Variants in DCC observed in about 807,000 individuals in gnomAD.
DCC encodes the protein DCC netrin 1 receptor.
In DCC, 58 loss-of-function variants were observed where a neutral mutation model predicts 172.5. The ratio of observed to expected loss-of-function variants is 0.34; its 90% CI spans 0.27 to 0.42. The LOEUF (loss-of-function observed/expected upper bound fraction) is 0.42, where lower values mean the gene tolerates loss of function less well. Ranked by LOEUF, DCC falls within the 10% of genes least tolerant of loss-of-function variation. The probability of loss-of-function intolerance (pLI) is 1.00; values close to 1 mark genes in which losing one functional copy is unlikely to be tolerated. For synonymous variants in DCC, 709 were observed against 644.5 expected, an observed-to-expected ratio of 1.10 and a Z score of -1.52; for missense variants, 1,740 against 1,791.0, an observed-to-expected ratio of 0.97 and a Z score of 0.51.
At chr18:53,280,180 T>A (rs2056855054) in intron 12 of DCC, among the ~76,000 whole-genome samples, 1 of 152,152 alleles carries the variant, frequency 6.6e-6, no homozygotes, top group Non-Finnish European at 1.5e-5. Context: ...TGAATACATG[T>A]AAAGCACAAG....
At chr18:52,824,405 G>A (rs1284294967) in intron 2 of DCC, among the ~76,000 whole-genome samples, 2 of 152,088 alleles carry the variant, frequency 1.3e-5, no homozygotes, top group Admixed American at 6.5e-5. Context: ...TATCTAAACT[G>A]AATTCCAGCT....
At chr18:52,555,073 G>T (rs547558109) in intron 1 of DCC, among the ~76,000 whole-genome samples, 1 of 152,108 alleles carries the variant, frequency 6.6e-6, no homozygotes, top group East Asian at 1.9e-4. Context: ...CATTGTACCA[G>T]GTAAAAACTT....
At chr18:52,799,401 C>T (rs1301994479) in intron 2 of DCC, among the ~76,000 whole-genome samples, 1 of 152,020 alleles carries the variant, frequency 6.6e-6, no homozygotes, top group African/African-American at 2.4e-5. Context: ...TATTATTGCT[C>T]ATGGGTATAC....
intron 5 of DCC, among the ~76,000 whole-genome samples, chr18:52,957,369 G>A (rs1467335834): frequency 1.3e-5 from 2 of 151,962 alleles, no homozygotes; most frequent in Admixed American, 1.3e-4. Flanking sequence ...TGAAAGTAGA[G>A]CAATCGATAT....
chr18:52,706,681 T>C (rs1297955976), intron 1 of DCC, among the ~76,000 whole-genome samples: 52 of 152,158 alleles, frequency 3.4e-4, no homozygotes, highest in Admixed American at 3.3e-3. Context: ...TGTTTACTCA[T>C]CTATTCTGCA....
chr18:52,902,508 ATCTC>A (rs2039824512), intron 2 of DCC, among the ~76,000 whole-genome samples: 1 of 152,170 alleles, frequency 6.6e-6, no homozygotes, highest in Non-Finnish European at 1.5e-5. Context: ...TTATACCTGT[ATCTC>A]TCTCTGGATG....
intron 1 of DCC, among the ~76,000 whole-genome samples, chr18:52,587,428 G>T (rs1224893655): frequency 1.3e-5 from 2 of 152,204 alleles, no homozygotes; most frequent in African/African-American, 4.8e-5. Context: ...CCTCTGCTAA[G>T]GTTGCCCGTT....
intron 1 of DCC, among the ~76,000 whole-genome samples, chr18:52,474,190 A>G (rs539215758): frequency 6.9e-6 from 1 of 145,868 alleles, no homozygotes; most frequent in African/African-American, 2.6e-5. Context: ...CTTTCCATAC[A>G]TAATTGTAAC....
intron 10 of DCC, among the ~76,000 whole-genome samples, chr18:53,206,917 C>T (rs1017281801): frequency 7.2e-5 from 11 of 151,946 alleles, no homozygotes; most frequent in South Asian, 4.2e-4. Context: ...AGCTCAAGCC[C>T]AGTCCCAAAT....
chr18:53,154,453 G>T (rs1223343272), intron 7 of DCC, among the ~76,000 whole-genome samples: 2 of 152,158 alleles, frequency 1.3e-5, no homozygotes, highest in Non-Finnish European at 2.9e-5. Flanking sequence ...AGCTTGCCCT[G>T]AAGACGATTT....
chr18:52,981,859 T>G (rs2145605599), intron 5 of DCC, among the ~76,000 whole-genome samples: 2 of 152,210 alleles, frequency 1.3e-5, no homozygotes, highest in South Asian at 4.2e-4. Flanking sequence ...AATAAACAGT[T>G]ATAGATGAAT....
intron 1 of DCC, among the ~76,000 whole-genome samples, chr18:52,708,090 ACAT>A (rs2036238385): frequency 6.6e-6 from 1 of 152,214 alleles, no homozygotes; most frequent in Non-Finnish European, 1.5e-5. Flanking sequence ...TATGTCCAAA[ACAT>A]CATGTTGTAT....
At chr18:52,424,708 A>T (rs1432945434) in intron 1 of DCC, among the ~76,000 whole-genome samples, 2 of 152,058 alleles carry the variant, frequency 1.3e-5, no homozygotes, top group Non-Finnish European at 2.9e-5. Flanking sequence ...GCCCTTATTG[A>T]GTTACCTCTG....
intron 12 of DCC, among the ~76,000 whole-genome samples, chr18:53,229,697 C>T (rs1042463501): frequency 2.0e-5 from 3 of 151,878 alleles, no homozygotes; most frequent in Admixed American, 6.6e-5. Flanking sequence ...TAGAGAAGGG[C>T]GGATGCTAGG....
intron 7 of DCC, among the ~76,000 whole-genome samples, chr18:53,102,874 C>T (rs903369210): frequency 3.3e-5 from 5 of 152,014 alleles, no homozygotes; most frequent in Admixed American, 2.0e-4. Context: ...GTAAGGTAGC[C>T]TTTCTGCAAT....
chr18:52,904,018 C>G (rs2039845329), intron 2 of DCC, among the ~76,000 whole-genome samples: 1 of 152,224 alleles, frequency 6.6e-6, no homozygotes, highest in Non-Finnish European at 1.5e-5. Flanking sequence ...CAGATTAGTT[C>G]TAACTGAAAA....
At chr18:52,388,164 A>T (rs960387080) in intron 1 of DCC, among the ~76,000 whole-genome samples, 1 of 151,870 alleles carries the variant, frequency 6.6e-6, no homozygotes, top group Admixed American at 6.6e-5. Flanking sequence ...TCTGTCACCA[A>T]CTTGCTTCAT....
rs1170037277 is a variant in DCC, at chr18:52,912,554, A to G, written c.697+6226A>G. 2.0e-5 allele frequency among the ~76,000 whole-genome samples: 3 copies of G among 151,980 alleles called. No individual in the cohort carries two copies. The East Asian group carries it at 5.8e-4, about 29-fold the overall frequency. On this transcript the variant is annotated intron_variant, in intron 3 of 28. Transcript: ENST00000442544. ...TCCTGCATCTTCTTCCTCTCTAGTA[A>G]CTTATTGCTACATGATTTTACCTTT...
chr18:53,087,119 C>T (rs62099176), intron 7 of DCC, among the ~76,000 whole-genome samples: 103,206 of 151,708 alleles, frequency 0.68, 36,670 homozygotes, highest in African/African-American at 0.87. Context: ...ATATACCCAG[C>T]AATGGGATGG....
Sources: gnomAD v4.1 joint callset for allele counts (sites outside exome capture counted in the v4.1 genomes callset) on GRCh38, gnomAD v4.1.1 for gene constraint, MANE v1.5 for transcripts, NCBI Gene and HGNC (gene_info 2026-07-23, HGNC 2026-07-21) for gene names.